The following MED15 variants were observed in gnomAD, a reference collection of about 807,000 sequenced individuals.
The protein encoded by MED15 is mediator of RNA polymerase II transcription subunit 15.
Under a neutral mutation model 118.7 loss-of-function variants are expected in MED15, and 41 were observed. That is an observed-to-expected ratio of 0.35 (90% confidence interval 0.27 to 0.45). The LOEUF (loss-of-function observed/expected upper bound fraction) is 0.45, where lower values mean the gene tolerates loss of function less well. Ranked by LOEUF, MED15 falls within the 20% of genes least tolerant of loss-of-function variation. The probability of loss-of-function intolerance (pLI) is 1.00; values close to 1 mark genes in which losing one functional copy is unlikely to be tolerated. For missense variants in MED15, 740 were observed against 1,025.5 expected (o/e 0.72, Z 3.80); for synonymous variants, 436 against 413.9 (o/e 1.05, Z -0.65).
intron 1 of MED15, among the ~76,000 whole-genome samples, chr22:20,532,762 T>C (rs780449036): frequency 7.2e-5 from 11 of 152,186 alleles, no homozygotes; most frequent in Non-Finnish European, 1.3e-4. Flanking sequence ...CTGTTGCTTA[T>C]GTTGGACAGG....
At chr22:20,516,170 G>C (rs1394612943) in intron 1 of MED15, among the ~76,000 whole-genome samples, 1 of 150,298 alleles carries the variant, frequency 6.7e-6, no homozygotes, top group Non-Finnish European at 1.5e-5. Context: ...AAAATTAGCT[G>C]GGCATGGTGG....
rs672443 is a variant in MED15 at position 20,565,148 on chromosome 22, A to G, written c.690+460A>G. On this transcript the variant is annotated intron_variant, in intron 6 of 17. Coordinates refer to ENST00000263205, the MANE Select transcript of MED15 (RefSeq NM_001003891.3). ...AAAAAAAATAAAAATAAAAAAGGAAAACAAAAGTCTGGGACAGGCAGGAGA... is the reference window on the plus strand; with the variant it reads ...AAAAAAAATAAAAATAAAAAAGGAAGACAAAAGTCTGGGACAGGCAGGAGA... Among the ~76,000 whole-genome samples, 404 of 152,240 alleles carry G rather than the reference A, an allele frequency of 2.7e-3. 3 individuals carry two copies. Among genetic ancestry groups the G allele is most frequent in the African/African-American group, 9.2e-3 (384 of 41,542 alleles).
intron 9 of MED15, among the ~76,000 whole-genome samples, chr22:20,581,376 C>T (rs1360304795): frequency 2.0e-5 from 3 of 152,156 alleles, no homozygotes; most frequent in African/African-American, 7.2e-5. Flanking sequence ...AGCAGCTGTC[C>T]TATCCCAGTA....
chr22:20,584,566 GC>G, intron 14 of MED15, 141 bp downstream of exon 14: 2 of 1,041,806 alleles, frequency 1.9e-6, no homozygotes, highest in Non-Finnish European at 2.9e-6. Flanking sequence ...AGGCTTCCTG[GC>G]CAGGTCTGCT....
In MED15 at chr22:20,507,689, C is replaced by G; in HGVS notation, c.11C>G (p.Ser4Cys). ...AGCTGGGGAACAGGCATGGACGTTTCCGGGCAAGAGACCGACTGGCGGAGC... is the reference window on the plus strand; with the variant it reads ...AGCTGGGGAACAGGCATGGACGTTTGCGGGCAAGAGACCGACTGGCGGAGC... MDVSGQETDWRSTA... is the reference protein window; with the variant it reads MDVCGQETDWRSTA... The change falls in exon 1 of 18, where the codon TCC becomes TGC. Residue 4 changes from serine (S) to cysteine (C), a missense_variant. Physicochemically the swap from Ser to Cys is moderately radical, Grantham distance 112 (BLOSUM62 -1). Coordinates refer to ENST00000263205, the MANE Select transcript of MED15 (RefSeq NM_001003891.3). 1 of 1,614,056 alleles carries G rather than the reference C, an allele frequency of 6.2e-7. No homozygotes were observed. The highest frequency in any genetic ancestry group is 8.5e-7 in the Non-Finnish European group (1 of 1,179,934).
At chr22:20,584,584 G>T in intron 14 of MED15, 159 bp downstream of exon 14, 1 of 943,076 alleles carries the variant, frequency 1.1e-6, no homozygotes, top group Non-Finnish European at 1.6e-6. Context: ...TGCTGTGCTG[G>T]GTGGGAACAT....
chr22:20,542,146 G>A (rs1205679776), intron 2 of MED15, among the ~76,000 whole-genome samples: 1 of 152,088 alleles, frequency 6.6e-6, no homozygotes, highest in East Asian at 1.9e-4. Flanking sequence ...ATGGTGCTGT[G>A]GAAAACAGTA....
At chr22:20,568,766 C>G in intron 8 of MED15, 135 bp downstream of exon 8, 1 of 1,419,412 alleles carries the variant, frequency 7.0e-7, no homozygotes, top group African/African-American at 1.4e-5. Flanking sequence ...TTCTCTCCCC[C>G]TTGCACTCTG....
At chr22:20,525,863 C>T (rs534470831) in intron 1 of MED15, among the ~76,000 whole-genome samples, 2 of 151,922 alleles carry the variant, frequency 1.3e-5, no homozygotes, top group African/African-American at 4.8e-5. Context: ...AGCTATTGTT[C>T]GCTGAGTATT....
Position 20,521,221 on chromosome 22 carries a change from C to T in MED15, c.68+13475C>T, listed in dbSNP as rs545743834. 2.5e-4 allele frequency among the ~76,000 whole-genome samples: 37 copies of T among 150,536 alleles called. No individual in the cohort carries two copies. The East Asian group carries it at 6.1e-3, about 25-fold the overall frequency. On this transcript the variant is annotated intron_variant, in intron 1 of 17. Transcript: ENST00000263205. The stretch of plus-strand genomic sequence containing the variant: ...CGGCAGTTCTCCTGCCTCAGCCTCC[C>T]GATTAGCTGGGATTACAGGCACGTA...
chr22:20,570,245 C>T (rs1308093937), intron 8 of MED15, among the ~76,000 whole-genome samples: 4 of 151,630 alleles, frequency 2.6e-5, no homozygotes, highest in East Asian at 2.0e-4. Flanking sequence ...GGATGGTCTC[C>T]ATCTCTTGAC....
rs777947040 is a variant in MED15 at position 20,566,547 on chromosome 22, G to GCAA, written c.773_774insACA (p.Gln262dup). On this transcript the variant is annotated inframe_insertion, in exon 7 of 18. Transcript: ENST00000263205. Reference sequence around the variant, plus strand: ...AGCAACAGCAGCAGCAGCAGCAGCAGCAGCAGCAGCAGCAGGCTTTGCAGG... The same window carrying GCAA: ...AGCAACAGCAGCAGCAGCAGCAGCAGCAACAGCAGCAGCAGCAGGCTTTGCAGG... The GCAA allele has an allele frequency of 2.5e-5, 41 of 1,612,454 alleles. No homozygotes were observed. Among genetic ancestry groups the GCAA allele is most frequent in the Non-Finnish European group, 3.3e-5 (39 of 1,179,210 alleles).
chr22:20,559,830 A>G (rs1601583190), intron 5 of MED15, among the ~76,000 whole-genome samples: 1 of 152,208 alleles, frequency 6.6e-6, no homozygotes, highest in South Asian at 2.1e-4. Flanking sequence ...CCTTTTTCCA[A>G]TAAGCCTTTT....
chr22:20,576,540 C>G (rs73159137), intron 9 of MED15, among the ~76,000 whole-genome samples: 204 of 152,394 alleles, frequency 1.3e-3, no homozygotes, highest in South Asian at 8.9e-3. Flanking sequence ...TGGGTTACCC[C>G]AGATGTGCCA....
intron 3 of MED15, chr22:20,551,750 T>G: frequency 1.9e-6 from 1 of 531,256 alleles, no homozygotes; most frequent in Non-Finnish European, 3.4e-6. Context: ...GCTGCTTCAC[T>G]TGCTCACTTA....
At chr22:20,520,806 C>T (rs947349529) in intron 1 of MED15, among the ~76,000 whole-genome samples, 1 of 152,034 alleles carries the variant, frequency 6.6e-6, no homozygotes, top group African/African-American at 2.4e-5. Flanking sequence ...GGTACAATCT[C>T]GGCTAACTGC....
chr22:20,532,579 G>C (rs1319771133), intron 1 of MED15, among the ~76,000 whole-genome samples: 1 of 152,206 alleles, frequency 6.6e-6, no homozygotes. Flanking sequence ...TTGGAGCCCA[G>C]TTCACAGCAA....
At chr22:20,578,502 G>C (rs1426057330) in intron 9 of MED15, among the ~76,000 whole-genome samples, 1 of 152,222 alleles carries the variant, frequency 6.6e-6, no homozygotes, top group Admixed American at 6.5e-5. Context: ...AGGCATGCTG[G>C]GCCCCGTGTA....
chr22:20,510,861 T>A (rs1034024248), intron 1 of MED15, among the ~76,000 whole-genome samples: 1 of 152,184 alleles, frequency 6.6e-6, no homozygotes, highest in African/African-American at 2.4e-5. Context: ...CCTTTTGACA[T>A]GTAATGTAGC....
Sources: allele counts gnomAD v4.1 joint callset (sites outside exome capture counted in the v4.1 genomes callset), GRCh38; gene constraint gnomAD v4.1.1; transcripts MANE v1.5; gene names NCBI Gene and HGNC (gene_info 2026-07-23, HGNC 2026-07-21).